CACUL1: variants seen among roughly 807,000 people sequenced by gnomAD.
CACUL1 encodes the protein CDK2-associated and cullin domain-containing protein 1.
In CACUL1, 13 loss-of-function variants were observed where a neutral mutation model predicts 45.2. The ratio of observed to expected loss-of-function variants is 0.29; its 90% CI spans 0.19 to 0.46. The LOEUF is 0.46. Ranked by LOEUF, CACUL1 falls within the 20% of genes least tolerant of loss-of-function variation. The probability of loss-of-function intolerance (pLI) is 1.00; values close to 1 mark genes in which losing one functional copy is unlikely to be tolerated. For missense variants in CACUL1, 421 were observed against 471.4 expected (o/e 0.89, Z 0.99); for synonymous variants, 197 against 174.2 (o/e 1.13, Z -1.03).
intron 1 of CACUL1, among the ~76,000 whole-genome samples, chr10:118,748,213 T>C (rs1368338024): frequency 2.0e-5 from 3 of 152,206 alleles, no homozygotes; most frequent in African/African-American, 2.4e-5. Flanking sequence ...CCGACATGTC[T>C]TATTGAGTAT....
intron 1 of CACUL1, among the ~76,000 whole-genome samples, chr10:118,733,384 C>T (rs1287654539): frequency 6.6e-6 from 1 of 151,946 alleles, no homozygotes; most frequent in Non-Finnish European, 1.5e-5. Context: ...ATACAATATA[C>T]ATCTATGTTA....
chr10:118,730,580 A>G (rs1015510427), intron 1 of CACUL1, among the ~76,000 whole-genome samples, 170 bp from the exon 2 acceptor site: 10 of 152,236 alleles, frequency 6.6e-5, no homozygotes, highest in African/African-American at 2.4e-4. Context: ...CAACCTGGTC[A>G]AGGATGTTAA....
chr10:118,726,115 A>G (rs1845649619), intron 3 of CACUL1, among the ~76,000 whole-genome samples: 1 of 152,214 alleles, frequency 6.6e-6, no homozygotes, highest in African/African-American at 2.4e-5. Context: ...TATGAAAACC[A>G]GAGCTGCAAA....
intron 7 of CACUL1, among the ~76,000 whole-genome samples, chr10:118,689,417 C>T (rs1032966908): frequency 6.6e-6 from 1 of 152,176 alleles, no homozygotes; most frequent in African/African-American, 2.4e-5. Context: ...AGTTTAATTA[C>T]AAAAATGGTC....
Position 118,740,383 on chromosome 10 carries a change from G to A in CACUL1, c.368-9973C>T, listed in dbSNP as rs1353137730. On this transcript the variant is annotated intron_variant, in intron 1 of 8. Coordinates refer to ENST00000369151, the MANE Select transcript of CACUL1 (RefSeq NM_153810.5). ...CCAGCACTTTGGGAGGCCAACTCAGGCAGATGGCTTGAGGCCAGGAGTTCA... is the reference window on the plus strand; with the variant it reads ...CCAGCACTTTGGGAGGCCAACTCAGACAGATGGCTTGAGGCCAGGAGTTCA... 5.9e-5 allele frequency among the ~76,000 whole-genome samples: 9 copies of A among 152,048 alleles called. No individual in the cohort carries two copies. In the South Asian group the frequency reaches 1.9e-3, roughly 32 times the overall value.
At chr10:118,700,908 G>A (rs913848666) in intron 5 of CACUL1, among the ~76,000 whole-genome samples, 2 of 152,180 alleles carry the variant, frequency 1.3e-5, no homozygotes, top group Non-Finnish European at 2.9e-5. Flanking sequence ...AAGAGTTTCT[G>A]CACTAGAGTA....
chr10:118,739,984 A>T (rs1162296855), intron 1 of CACUL1, among the ~76,000 whole-genome samples: 2 of 152,104 alleles, frequency 1.3e-5, no homozygotes, highest in Non-Finnish European at 2.9e-5. Context: ...GTCTCTACTA[A>T]AAGTACAAAA....
intron 1 of CACUL1, among the ~76,000 whole-genome samples, chr10:118,753,398 T>G (rs1374765445): frequency 6.6e-6 from 1 of 152,206 alleles, no homozygotes; most frequent in Non-Finnish European, 1.5e-5. Context: ...ATAAAATTAG[T>G]AGCTAGAAAT....
In CACUL1 at chr10:118,685,006, T is replaced by C. The variant is rs1254024602; in HGVS notation, c.*1122A>G. ...AACAGAAATATAGCTTTGCCACAGCTGGAAGGGAGCCTTAGGACAGCAGTG... is the reference window on the plus strand; with the variant it reads ...AACAGAAATATAGCTTTGCCACAGCCGGAAGGGAGCCTTAGGACAGCAGTG... On this transcript the variant is annotated 3_prime_UTR_variant, in exon 9 of 9. Transcript: ENST00000369151. The C allele has an allele frequency of 6.6e-6, 1 of 152,226 alleles. No individual in the cohort carries two copies. Among genetic ancestry groups the C allele is most frequent in the African/African-American group, 2.4e-5 (1 of 41,464 alleles). The allele number at this position is 152,226 out of a possible 1,614,324, so 9.4% of individuals were successfully genotyped here.
chr10:118,693,499 G>C (rs1845291509), intron 6 of CACUL1: 1 of 257,992 alleles, frequency 3.9e-6, no homozygotes, highest in Non-Finnish European at 7.9e-6. Flanking sequence ...CCTATTACAA[G>C]AGCTTGAACC....
intron 4 of CACUL1, among the ~76,000 whole-genome samples, chr10:118,706,794 CA>C (rs897880367): frequency 1.3e-4 from 20 of 152,242 alleles, no homozygotes; most frequent in African/African-American, 4.8e-4. Context: ...AAATTAAAGA[CA>C]GGGGTAGTTT....
At chr10:118,714,621 G>A (rs755131506) in intron 3 of CACUL1, among the ~76,000 whole-genome samples, 40 of 152,062 alleles carry the variant, frequency 2.6e-4, no homozygotes, top group Non-Finnish European at 4.9e-4. Context: ...TTTTTTTCAA[G>A]TGAAAATACC....
rs980444515 is a variant in CACUL1 at position 118,680,534 on chromosome 10, A to G, written c.*5594T>C. 3.3e-5 allele frequency: 5 copies of G among 152,228 alleles called. No homozygotes were observed. Among genetic ancestry groups the G allele is most frequent in the Admixed American group, 6.5e-5 (1 of 15,278 alleles). 9.4% of individuals were successfully genotyped at this position (152,228 alleles called of 1,614,324 possible). A position where few individuals can be genotyped will look rare whatever the true frequency, so the allele number is the denominator to read the frequency against. ...ACTAAAACCTTAAAGTAAGGTTACA[A>G]ATAACCTAGGGGATGACACTAATTT... On this transcript the variant is annotated 3_prime_UTR_variant, in exon 9 of 9. Transcript: ENST00000369151.
rs180965262 is a variant in CACUL1 at position 118,738,935 on chromosome 10, C to T, written c.368-8525G>A. On this transcript the variant is annotated intron_variant, in intron 1 of 8. Coordinates refer to ENST00000369151, the MANE Select transcript of CACUL1 (RefSeq NM_153810.5). ...AAAAAAGCCTGGGCGCTGTGGTTCA[C>T]GCCTGTAATCCCAGCACTTTTGGAG... is the stretch of plus-strand genomic sequence containing the variant. Among the ~76,000 whole-genome samples, 1,111 of 137,908 alleles carry T rather than the reference C, an allele frequency of 8.1e-3. 8 individuals carry two copies. Among genetic ancestry groups the T allele is most frequent in the Non-Finnish European group, 0.012 (795 of 65,136 alleles). 90.5% of individuals were successfully genotyped at this position (137,908 alleles called of 152,430 possible). A position where few individuals can be genotyped will look rare whatever the true frequency, so the allele number is the denominator to read the frequency against.
intron 7 of CACUL1, among the ~76,000 whole-genome samples, chr10:118,687,335 T>G (rs1490006787): frequency 1.3e-5 from 2 of 152,206 alleles, no homozygotes; most frequent in Non-Finnish European, 2.9e-5. Flanking sequence ...TTTGGATGAT[T>G]TATATACACT....
chr10:118,725,702 T>C (rs1371715238), intron 3 of CACUL1, among the ~76,000 whole-genome samples: 1 of 152,158 alleles, frequency 6.6e-6, no homozygotes. Context: ...TAAAGTAATT[T>C]TTTCCAAAAT....
At chr10:118,695,328 T>C (rs1403867073) in intron 5 of CACUL1, 98 bp from the exon 6 acceptor site, 2 of 736,402 alleles carry the variant, frequency 2.7e-6, no homozygotes, top group East Asian at 2.6e-5. Context: ...ACATAAACAA[T>C]TGTAAGAAAG....
intron 7 of CACUL1, among the ~76,000 whole-genome samples, chr10:118,688,700 G>A (rs965166442): frequency 3.9e-5 from 6 of 152,086 alleles, no homozygotes; most frequent in African/African-American, 1.2e-4. Flanking sequence ...TAGTGTTACC[G>A]TTGACAACAG....
At position 118,729,327 on chromosome 10, in the gene CACUL1, T is replaced by C; in HGVS notation, c.565A>G (p.Asn189Asp). The change falls in exon 3 of 9, where the codon AAT becomes GAT. Residue 189 changes from asparagine (N) to aspartate (D), a missense_variant. By Grantham distance (23) the Asn-to-Asp change is conservative. Around this residue, in one of 2 missense-constraint regions of CACUL1, gnomAD observed 208 missense variants for 298.4 expected, o/e 0.70. Transcript: ENST00000369151. ...MYSDLIKKIT[N>D]HLERVSKELQ... ...TCCTTTGAGACTCTCTCTAAGTGAT[T>C]AGTTATCTTTTTAATCAGATCACTA... 6.2e-7 allele frequency: 1 copy of C among 1,613,348 alleles called. No homozygotes were observed. Among genetic ancestry groups the C allele is most frequent in the Non-Finnish European group, 8.5e-7 (1 of 1,179,774 alleles).
Sources: allele counts gnomAD v4.1 joint callset (sites outside exome capture counted in the v4.1 genomes callset), GRCh38; gene constraint gnomAD v4.1.1; regional missense constraint gnomAD v4.1.1; transcripts MANE v1.5; gene names NCBI Gene and HGNC (gene_info 2026-07-23, HGNC 2026-07-21).